The following CENPP variants were observed in gnomAD, a reference collection of about 807,000 sequenced individuals.
The protein encoded by CENPP is centromere protein P.
Under a neutral mutation model 35.6 loss-of-function variants are expected in CENPP, and 24 were observed. The observed-to-expected ratio is 0.67, with a 90% CI of 0.49 to 0.95. The LOEUF (loss-of-function observed/expected upper bound fraction) is 0.95. CENPP is among the 40% of genes least tolerant of loss of function. CENPP has a pLI of 0.00. For synonymous variants in CENPP, 120 were observed against 125.5 expected (o/e 0.96, Z 0.29); for missense variants, 332 against 345.3 (o/e 0.96, Z 0.31).
intron 5 of CENPP, among the ~76,000 whole-genome samples, chr9:92,592,107 G>GTA (rs1850678192): frequency 6.6e-6 from 1 of 151,790 alleles, no homozygotes; most frequent in African/African-American, 2.4e-5. Flanking sequence ...ATGTATAAAT[G>GTA]TATACACTTA....
At chr9:92,450,701 C>T (rs1439728110) in intron 5 of CENPP, among the ~76,000 whole-genome samples, 2 of 152,180 alleles carry the variant, frequency 1.3e-5, no homozygotes, top group Non-Finnish European at 2.9e-5. Flanking sequence ...AACTAGTTTA[C>T]AGTCCTACCA....
At chr9:92,567,401 T>TATAG (rs1850021167) in intron 5 of CENPP, among the ~76,000 whole-genome samples, 1 of 124,364 alleles carries the variant, frequency 8.0e-6, no homozygotes, top group African/African-American at 3.0e-5. Flanking sequence ...TATATAGATA[T>TATAG]ATATATAAAG....
chr9:92,352,467 CTG>C (rs61233585), intron 4 of CENPP, among the ~76,000 whole-genome samples: 7,897 of 71,144 alleles, frequency 0.11, 765 homozygotes, highest in East Asian at 0.4. Flanking sequence ...TGCTTAAAGC[CTG>C]TGTGTGTGTG....
At chr9:92,337,938 A>C (rs961385244) in intron 3 of CENPP, among the ~76,000 whole-genome samples, 9 of 152,196 alleles carry the variant, frequency 5.9e-5, no homozygotes, top group African/African-American at 1.9e-4. Context: ...ATCAGTAGTT[A>C]GGTGATATGC....
At chr9:92,353,621 G>C (rs1204693654) in intron 4 of CENPP, among the ~76,000 whole-genome samples, 1 of 152,186 alleles carries the variant, frequency 6.6e-6, no homozygotes, top group African/African-American at 2.4e-5. Context: ...CTTAAATGTA[G>C]GAGGAGCCCA....
chr9:92,618,756 G>A lies in CENPP; in HGVS notation c.*5607G>A. ...CAATTCTGTGCCTGCCAGGGAACAG[G>A]AATCCTGGGAACTGTTTAGTTCAAA... On this transcript the variant is annotated 3_prime_UTR_variant, in exon 8 of 8. Transcript: ENST00000375587. 1 of 357,464 alleles carries A rather than the reference G, an allele frequency of 2.8e-6. No homozygotes were observed. Among genetic ancestry groups the A allele is most frequent in the South Asian group, 2.1e-5 (1 of 47,670 alleles). The allele number at this position is 357,464 out of a possible 1,614,324, so 22.1% of individuals were successfully genotyped here.
At chr9:92,467,446 C>G (rs956471546) in intron 5 of CENPP, among the ~76,000 whole-genome samples, 1 of 152,190 alleles carries the variant, frequency 6.6e-6, no homozygotes, top group Non-Finnish European at 1.5e-5. Context: ...GTTCTTTACT[C>G]TTTGCCAGAT....
At chr9:92,361,082 T>C (rs1309402122) in intron 4 of CENPP, among the ~76,000 whole-genome samples, 1 of 152,156 alleles carries the variant, frequency 6.6e-6, no homozygotes, top group Non-Finnish European at 1.5e-5. Context: ...GCATGTATCA[T>C]GGCTCATTTC....
intron 5 of CENPP, among the ~76,000 whole-genome samples, chr9:92,396,153 G>A (rs1411579443): frequency 6.6e-6 from 1 of 152,076 alleles, no homozygotes; most frequent in Non-Finnish European, 1.5e-5. Context: ...TTGTCACATT[G>A]TCAAGAACTA....
intron 4 of CENPP, among the ~76,000 whole-genome samples, chr9:92,355,698 C>T (rs7047089): frequency 0.45 from 67,826 of 152,004 alleles, 17,380 homozygotes; most frequent in African/African-American, 0.7. Flanking sequence ...TCTAAAATAG[C>T]CCATTATGAG....
chr9:92,557,923 G>C (rs895762610), intron 5 of CENPP, among the ~76,000 whole-genome samples: 2 of 152,116 alleles, frequency 1.3e-5, no homozygotes, highest in Middle Eastern at 3.2e-3. Context: ...GATTACAGGC[G>C]TGAGCCACCG....
In CENPP at chr9:92,482,866, T is replaced by TC. The variant is rs545343521; in HGVS notation, c.564+103008dup. 1.3e-4 allele frequency among the ~76,000 whole-genome samples: 20 copies of TC among 152,242 alleles called. No homozygotes were observed. In the East Asian group the frequency reaches 3.7e-3, roughly 28 times the overall value. On this transcript the variant is annotated intron_variant, in intron 5 of 7. Transcript: ENST00000375587. ...CTGAGAAAGAACCATACTTTTTTTT[T>TC]CTTCTAATGACTGTAGCTATTGCAT...
At chr9:92,413,510 A>C (rs892762402) in intron 5 of CENPP, among the ~76,000 whole-genome samples, 8 of 152,096 alleles carry the variant, frequency 5.3e-5, no homozygotes, top group African/African-American at 1.9e-4. Flanking sequence ...CTAGGTTAGG[A>C]ATTGTCTTAT....
intron 5 of CENPP, among the ~76,000 whole-genome samples, chr9:92,434,747 T>A (rs1015661074): frequency 4.6e-5 from 7 of 152,052 alleles, no homozygotes; most frequent in Admixed American, 2.6e-4. Context: ...CTTAATTTTT[T>A]AAAAAGTTTT....
chr9:92,505,888 T>C (rs1469782226), intron 5 of CENPP, among the ~76,000 whole-genome samples: 1 of 152,116 alleles, frequency 6.6e-6, no homozygotes, highest in Non-Finnish European at 1.5e-5. Flanking sequence ...CAGAACTAAA[T>C]GCATGGTCCA....
chr9:92,532,409 A>G (rs1848853990), intron 5 of CENPP, among the ~76,000 whole-genome samples: 1 of 152,128 alleles, frequency 6.6e-6, no homozygotes, highest in South Asian at 2.1e-4. Context: ...CTCAGCCCTT[A>G]ACTATACAAA....
intron 5 of CENPP, among the ~76,000 whole-genome samples, chr9:92,587,462 T>C (rs1455003900): frequency 6.6e-6 from 1 of 151,100 alleles, no homozygotes; most frequent in Non-Finnish European, 1.5e-5. Flanking sequence ...AGAGCGAAAT[T>C]GCCATCTCAA....
chr9:92,605,972 G>A lies in CENPP; in HGVS notation c.565-5342G>A, dbSNP rs542644148. Among the ~76,000 whole-genome samples, 22 of 152,162 alleles carry A rather than the reference G, an allele frequency of 1.4e-4. No individual in the cohort carries two copies. In the South Asian group the frequency reaches 4.6e-3, roughly 32 times the overall value. On this transcript the variant is annotated intron_variant, in intron 5 of 7. Transcript: ENST00000375587. ...TAAAAGATAACCCAATTTAAAAATA[G>A]GCAAAGGGGCCAGGCGTAGTGGCTC...
At chr9:92,600,560 G>A in intron 5 of CENPP, 1 of 1,611,962 alleles carries the variant, frequency 6.2e-7, no homozygotes, top group Non-Finnish European at 8.5e-7. Context: ...CATGGAGAAT[G>A]TTTGGCACAA....
Sources: allele counts gnomAD v4.1 joint callset (sites outside exome capture counted in the v4.1 genomes callset), GRCh38; gene constraint gnomAD v4.1.1; transcripts MANE v1.5; gene names NCBI Gene and HGNC (gene_info 2026-07-23, HGNC 2026-07-21).